The following BAHCC1 variants were observed in gnomAD, a reference collection of about 807,000 sequenced individuals.
BAHCC1 encodes BAH domain and coiled-coil containing 1, also known as BAH and coiled-coil domain-containing protein 1.
Under a neutral mutation model 88.2 loss-of-function variants are expected in BAHCC1, and 43 were observed. The ratio of observed to expected loss-of-function variants is 0.49; its 90% CI spans 0.38 to 0.63. BAHCC1 has a LOEUF of 0.63. BAHCC1 is among the 20% of genes least tolerant of loss of function. The pLI, the probability that BAHCC1 is intolerant of heterozygous loss-of-function variation, is 0.00. For synonymous variants in BAHCC1, 1,510 were observed against 745.5 expected, an observed-to-expected ratio of 2.03 and a Z score of -16.71; for missense variants, 3,023 against 1,654.8, an observed-to-expected ratio of 1.83 and a Z score of -14.34.
rs561028458 is a variant in BAHCC1 at position 81,424,906 on chromosome 17, G to T, written c.179-1894G>T. Reference sequence around the variant, plus strand: ...TGATGTGGTAGTAATGTGGTTGGTGGTGATGTGGTTGGTGTGATGTGGTTG... The same window carrying T: ...TGATGTGGTAGTAATGTGGTTGGTGTTGATGTGGTTGGTGTGATGTGGTTG... On this transcript the variant is annotated intron_variant, in intron 2 of 27. Coordinates refer to ENST00000675386, the MANE Select transcript of BAHCC1 (RefSeq NM_001377448.1). 3.6e-4 allele frequency among the ~76,000 whole-genome samples: 55 copies of T among 151,448 alleles called. 1 individual carries two copies. The East Asian group carries it at 8.9e-3, about 25-fold the overall frequency.
intron 1 of BAHCC1, chr17:81,397,038 A>C (rs1240573733): frequency 6.6e-6 from 1 of 152,074 alleles, no homozygotes; most frequent in Non-Finnish European, 1.5e-5. Context: ...TGGGACTCCC[A>C]GCTCGGGCCG....
Position 81,457,425 on chromosome 17 carries a change from G to A in BAHCC1, c.4874G>A (p.Ser1625Asn), listed in dbSNP as rs1460634195. ...ASQEAGSGYD[S>N]EDCEGLLGTE... is the part of the protein sequence containing the mutation. ...TCTCTCCCAGGCAGTGGCTATGACA[G>A]TGAGGACTGCGAGGGTCTCCTGGGG... The change falls in exon 17 of 28, where the codon AGT becomes AAT. Residue 1625 changes from serine to asparagine, a missense_variant. Transcript: ENST00000675386. 1.3e-6 allele frequency: 1 copy of A among 771,340 alleles called. No individual in the cohort carries two copies. Among genetic ancestry groups the A allele is most frequent in the African/African-American group, 1.7e-5 (1 of 59,160 alleles). The allele number at this position is 771,340 out of a possible 1,614,324, so 47.8% of individuals were successfully genotyped here.
chr17:81,422,173 G>A (rs782437825), intron 2 of BAHCC1, among the ~76,000 whole-genome samples: 1 of 152,110 alleles, frequency 6.6e-6, no homozygotes, highest in African/African-American at 2.4e-5. Context: ...CACCATGCCC[G>A]GATAATTTCT....
chr17:81,419,438 C>G (rs1555649298), intron 2 of BAHCC1, among the ~76,000 whole-genome samples: 1 of 152,272 alleles, frequency 6.6e-6, no homozygotes, highest in South Asian at 2.1e-4. Context: ...GCTCCTCCTT[C>G]CTGCCTCCCC....
chr17:81,422,924 C>T (rs1216405411), intron 2 of BAHCC1: 1 of 305,348 alleles, frequency 3.3e-6, no homozygotes, highest in Non-Finnish European at 6.4e-6. Flanking sequence ...ACACTCACCC[C>T]ACAGGCATGC....
chr17:81,423,983 C>G (rs1177812982), intron 2 of BAHCC1, among the ~76,000 whole-genome samples: 1 of 152,248 alleles, frequency 6.6e-6, no homozygotes, highest in Non-Finnish European at 1.5e-5. Flanking sequence ...CGGCCTCCAC[C>G]TGACCCAGAG....
chr17:81,401,039 T>C (rs948038076), intron 2 of BAHCC1: 2 of 152,262 alleles, frequency 1.3e-5, no homozygotes, highest in Non-Finnish European at 2.9e-5. Flanking sequence ...TAACAGTTAT[T>C]ATTGGTAGCT....
At chr17:81,455,460 C>A in intron 15 of BAHCC1, 70 bp downstream of exon 15, 1 of 689,202 alleles carries the variant, frequency 1.5e-6, no homozygotes, top group Non-Finnish European at 2.7e-6. Context: ...TGGCAGGTAG[C>A]AGACTCTCCC....
chr17:81,456,945 A>AC (rs55929206), intron 16 of BAHCC1, among the ~76,000 whole-genome samples: 10 of 151,504 alleles, frequency 6.6e-5, no homozygotes, highest in East Asian at 3.9e-4. Flanking sequence ...TTATCTGACC[A>AC]CCCCCCCCAG....
At chr17:81,462,179 A>G in intron 26 of BAHCC1, 133 bp downstream of exon 26, 1 of 596,804 alleles carries the variant, frequency 1.7e-6, no homozygotes, top group Non-Finnish European at 3.0e-6. Flanking sequence ...TGGAAAACTC[A>G]AGGGAAGAAC....
intron 2 of BAHCC1, among the ~76,000 whole-genome samples, chr17:81,421,306 C>T (rs2064112967): frequency 6.6e-6 from 1 of 152,246 alleles, no homozygotes; most frequent in Non-Finnish European, 1.5e-5. Flanking sequence ...GCAGCTGAGG[C>T]ACAGGCTCTG....
At chr17:81,427,114 G>C (rs965195820) in intron 3 of BAHCC1, 135 bp downstream of exon 3, 4 of 398,034 alleles carry the variant, frequency 1.0e-5, no homozygotes, top group Admixed American at 8.8e-5. Context: ...AAGCAGGCTC[G>C]GGTGAGGCTG....
intron 2 of BAHCC1, among the ~76,000 whole-genome samples, chr17:81,417,997 T>G (rs1400583447): frequency 6.6e-6 from 1 of 152,236 alleles, no homozygotes; most frequent in Admixed American, 6.5e-5. Flanking sequence ...TGTGCCCGCC[T>G]CAGTCTCCAC....
At chr17:81,448,811 T>C (rs1309402532) in intron 11 of BAHCC1, among the ~76,000 whole-genome samples, 1 of 152,034 alleles carries the variant, frequency 6.6e-6, no homozygotes, top group Non-Finnish European at 1.5e-5. Flanking sequence ...TCCCTGCTTC[T>C]GGGTGGGGCT....
At chr17:81,449,520 G>T (rs1326766875) in intron 11 of BAHCC1, among the ~76,000 whole-genome samples, 24 of 152,314 alleles carry the variant, frequency 1.6e-4, no homozygotes, top group Non-Finnish European at 2.2e-4. Context: ...TCTGGGTGAG[G>T]CCACGTGGGA....
chr17:81,424,852 A>G (rs2064156432), intron 2 of BAHCC1, among the ~76,000 whole-genome samples: 1 of 142,186 alleles, frequency 7.0e-6, no homozygotes. Flanking sequence ...GTGACAGGTG[A>G]TGTGGTTGGT....
intron 2 of BAHCC1, among the ~76,000 whole-genome samples, chr17:81,418,440 C>T (rs988127297): frequency 6.6e-6 from 1 of 152,160 alleles, no homozygotes; most frequent in Non-Finnish European, 1.5e-5. Context: ...GCAGCTGTGC[C>T]GGGTCAGGGT....
At chr17:81,444,953 G>A in intron 8 of BAHCC1, 62 bp from the exon 9 acceptor site, 2 of 685,100 alleles carry the variant, frequency 2.9e-6, no homozygotes, top group South Asian at 3.1e-5. Context: ...GGGTGGCGGG[G>A]AAGCAGCCCC....
At position 81,447,301 on chromosome 17, in the gene BAHCC1, G is replaced by A. The variant is rs781904887; in HGVS notation, c.3429G>A (p.Gly1143=). 1 of 738,524 alleles carries A rather than the reference G, an allele frequency of 1.4e-6. No individual in the cohort carries two copies. Among genetic ancestry groups the A allele is most frequent in the East Asian group, 2.5e-5 (1 of 40,180 alleles). The allele number at this position is 738,524 out of a possible 1,614,324, so 45.7% of individuals were successfully genotyped here. A position where few individuals can be genotyped will look rare whatever the true frequency, so the allele number is the denominator to read the frequency against. ...TPYPTERGPQ[G]KAADPSPLEG... ...ACCCTACCGAGCGGGGACCCCAGGG[G>A]AAGGCAGCGGACCCCAGCCCACTAG... Residue 1143 remains glycine, a synonymous_variant, in exon 11 of 28, where the codon GGG becomes GGA. Coordinates refer to ENST00000675386, the MANE Select transcript of BAHCC1 (RefSeq NM_001377448.1).
Sources: gnomAD v4.1 joint callset for allele counts (sites outside exome capture counted in the v4.1 genomes callset) on GRCh38, gnomAD v4.1.1 for gene constraint, MANE v1.5 for transcripts, NCBI Gene and HGNC (gene_info 2026-07-23, HGNC 2026-07-21) for gene names.